The following AQP9 variants were observed in gnomAD, a reference collection of about 807,000 sequenced individuals.
AQP9 encodes aquaporin 9.
A neutral mutation model predicts 23.8 loss-of-function variants in AQP9; 19 were observed. The ratio of observed to expected loss-of-function variants is 0.80; its 90% CI spans 0.56 to 1.17. AQP9 has a LOEUF of 1.17. Among genes scored for constraint, AQP9 ranks in the 50% most tolerant of loss-of-function variants. The probability of loss-of-function intolerance (pLI) is 0.00; values close to 1 mark genes in which losing one functional copy is unlikely to be tolerated. For synonymous variants in AQP9, 153 were observed against 131.5 expected, an observed-to-expected ratio of 1.16 and a Z score of -1.12; for missense variants, 413 against 362.0, an observed-to-expected ratio of 1.14 and a Z score of -1.14.
rs183929799 is a variant in AQP9, at chr15:58,161,653, G to A, written c.112-5020G>A. Among the ~76,000 whole-genome samples the A allele has an allele frequency of 6.8e-4, 103 of 152,304 alleles. 1 individual carries two copies. The highest frequency in any genetic ancestry group is 1.5e-3 in the Admixed American group (23 of 15,300). The stretch of plus-strand genomic sequence containing the variant: ...GTTTTTATTGCCAGGCAGCAAGTTA[G>A]CAGTTAAGTCCATGGGTCTGTTTTC... On this transcript the variant is annotated intron_variant, in intron 1 of 5. Coordinates refer to ENST00000219919, the MANE Select transcript of AQP9 (RefSeq NM_020980.5).
At chr15:58,158,263 C>T (rs944398019) in intron 1 of AQP9, among the ~76,000 whole-genome samples, 1 of 152,112 alleles carries the variant, frequency 6.6e-6, no homozygotes, top group Non-Finnish European at 1.5e-5. Context: ...TTCTTGGGGG[C>T]ATTGGTTGCA....
intron 1 of AQP9, among the ~76,000 whole-genome samples, chr15:58,149,489 G>C (rs1898109246): frequency 6.6e-6 from 1 of 152,200 alleles, no homozygotes; most frequent in Non-Finnish European, 1.5e-5. Flanking sequence ...TGGTTTCCTA[G>C]TTTGTAAAAT....
At chr15:58,159,316 A>C (rs1371699104) in intron 1 of AQP9, among the ~76,000 whole-genome samples, 5 of 152,002 alleles carry the variant, frequency 3.3e-5, no homozygotes. Context: ...CCGTCTATTT[A>C]TCATTTCCAC....
At chr15:58,179,567 C>A (rs546610230) in intron 5 of AQP9, among the ~76,000 whole-genome samples, 1 of 150,654 alleles carries the variant, frequency 6.6e-6, no homozygotes, top group Non-Finnish European at 1.5e-5. Context: ...GAAAGAGAGG[C>A]GGCTCTAGGT....
In AQP9 at chr15:58,179,149, C is replaced by T. The variant is rs1898823356; in HGVS notation, c.517C>T (p.Leu173Phe). Residue 173 changes from leucine to phenylalanine, a missense_variant, in exon 5 of 6, where the codon CTC (leucine) becomes TTC (phenylalanine). By Grantham distance (22) the Leu-to-Phe change is conservative. Coordinates refer to ENST00000219919, the MANE Select transcript of AQP9 (RefSeq NM_020980.5). ...ADQVVATMILLIIVFAIFDSR... is the reference protein window; with the variant it reads ...ADQVVATMILFIIVFAIFDSR... The stretch of plus-strand genomic sequence containing the variant: ...CCAGGTGGTGGCCACCATGATACTC[C>T]TCATAATCGTCTTTGCCATCTTTGA... 6.2e-7 allele frequency: 1 copy of T among 1,613,158 alleles called. No individual in the cohort carries two copies. Among genetic ancestry groups the T allele is most frequent in the South Asian group, 1.1e-5 (1 of 91,050 alleles).
At chr15:58,178,573 G>A (rs1306504227) in intron 4 of AQP9, among the ~76,000 whole-genome samples, 1 of 152,150 alleles carries the variant, frequency 6.6e-6, no homozygotes, top group African/African-American at 2.4e-5. Flanking sequence ...TATTAGAAAA[G>A]CCTGAAATAA....
Position 58,184,422 on chromosome 15 carries a change from A to G in AQP9, c.*287A>G. On this transcript the variant is annotated 3_prime_UTR_variant, in exon 6 of 6. Transcript: ENST00000219919. Reference sequence around the variant, plus strand: ...CCTCGATGGGAATTCTTGCTAGGTAAGCACTAATAACTCGGCATCTTGACG... The same window carrying G: ...CCTCGATGGGAATTCTTGCTAGGTAGGCACTAATAACTCGGCATCTTGACG... The G allele has an allele frequency of 3.2e-6, 1 of 315,754 alleles. No individual in the cohort carries two copies. The highest frequency in any genetic ancestry group is 5.8e-6 in the Non-Finnish European group (1 of 171,204). The allele number at this position is 315,754 out of a possible 1,614,324, so 19.6% of individuals were successfully genotyped here. A position where few individuals can be genotyped will look rare whatever the true frequency, so the allele number is the denominator to read the frequency against.
chr15:58,167,728 G>T (rs951495958), intron 2 of AQP9, among the ~76,000 whole-genome samples: 1 of 151,226 alleles, frequency 6.6e-6, no homozygotes, highest in Non-Finnish European at 1.5e-5. Context: ...TTTTTTGTTT[G>T]GTTTTGTTTT....
chr15:58,170,989 A>T (rs1898607825), intron 2 of AQP9, among the ~76,000 whole-genome samples: 1 of 151,956 alleles, frequency 6.6e-6, no homozygotes, highest in East Asian at 1.9e-4. Flanking sequence ...CAGTGGCGCA[A>T]TCTCTGCTCA....
chr15:58,170,712 A>G (rs1179330246), intron 2 of AQP9, among the ~76,000 whole-genome samples: 1 of 151,898 alleles, frequency 6.6e-6, no homozygotes, highest in Non-Finnish European at 1.5e-5. Flanking sequence ...CTATTTCTTC[A>G]GCTTTTATAT....
chr15:58,172,945 C>G (rs1298155075), intron 2 of AQP9, 123 bp from the exon 3 acceptor site: 6 of 1,266,918 alleles, frequency 4.7e-6, no homozygotes, highest in Non-Finnish European at 6.7e-6. Flanking sequence ...ACACACCCCT[C>G]TTTCTCCTCA....
rs924536447 is a variant in AQP9 at position 58,173,225 on chromosome 15, C to A, written c.376+20C>A. Reference sequence around the variant, plus strand: ...ACTATGGTGAGTAAAGTCCCTGAGTCCTAAGGTTAGGAAGAGCTGGGCATA... The same window carrying A: ...ACTATGGTGAGTAAAGTCCCTGAGTACTAAGGTTAGGAAGAGCTGGGCATA... On this transcript the variant is annotated intron_variant, in intron 3 of 5. Transcript: ENST00000219919. 1.2e-6 allele frequency: 2 copies of A among 1,613,716 alleles called. No homozygotes were observed. Among genetic ancestry groups the A allele is most frequent in the East Asian group, 2.2e-5 (1 of 44,878 alleles).
At position 58,184,227 on chromosome 15, in the gene AQP9, A is replaced by G. The variant is rs1898963123; in HGVS notation, c.*92A>G. The G allele has an allele frequency of 2.2e-6, 3 of 1,386,142 alleles. No individual in the cohort carries two copies. The highest frequency in any genetic ancestry group is 3.0e-6 in the Non-Finnish European group (3 of 1,009,874). 85.9% of individuals were successfully genotyped at this position (1,386,142 alleles called of 1,614,324 possible). ...CTGTGTTCTTGTAAGCCTGAGGTGG[A>G]ATCCACCCAGTTTTGTCTGCTAGCC... On this transcript the variant is annotated 3_prime_UTR_variant, in exon 6 of 6. Coordinates refer to ENST00000219919, the MANE Select transcript of AQP9 (RefSeq NM_020980.5).
intron 1 of AQP9, chr15:58,150,798 C>A (rs1405524926): frequency 3.3e-5 from 5 of 152,174 alleles, no homozygotes; most frequent in African/African-American, 9.7e-5. Flanking sequence ...CTAGTGGTCA[C>A]CACATTTCTC....
chr15:58,173,138 A>G lies in AQP9; in HGVS notation c.309A>G (p.Pro103=). Residue 103 remains proline (P), a synonymous_variant, in exon 3 of 6, where the codon CCA becomes CCG. Coordinates refer to ENST00000219919, the MANE Select transcript of AQP9 (RefSeq NM_020980.5). ...GACGGATGAAATGGTTCAAATTGCC[A>G]TTTTATGTGGGAGCCCAGTTCTTGG... is the stretch of plus-strand genomic sequence containing the variant. ...LFGRMKWFKL[P]FYVGAQFLGA... is the part of the protein sequence containing the mutation. 1 of 1,614,126 alleles carries G rather than the reference A, an allele frequency of 6.2e-7. No individual in the cohort carries two copies. Among genetic ancestry groups the G allele is most frequent in the African/African-American group, 1.3e-5 (1 of 75,032 alleles).
At chr15:58,158,935 T>C (rs1898317435) in intron 1 of AQP9, among the ~76,000 whole-genome samples, 1 of 152,232 alleles carries the variant, frequency 6.6e-6, no homozygotes, top group Non-Finnish European at 1.5e-5. Flanking sequence ...CTGAAAGGGC[T>C]CAGTTCTTAC....
At chr15:58,179,478 A>C (rs780059222) in intron 5 of AQP9, 133 bp downstream of exon 5, 27 of 703,226 alleles carry the variant, frequency 3.8e-5, no homozygotes, top group Non-Finnish European at 6.0e-5. Flanking sequence ...GGTCATAAGC[A>C]TGAGACATTT....
chr15:58,149,968 A>C (rs1415658672), intron 1 of AQP9, among the ~76,000 whole-genome samples: 1 of 152,250 alleles, frequency 6.6e-6, no homozygotes, highest in African/African-American at 2.4e-5. Flanking sequence ...CTAGGACTGC[A>C]TCCCAGCCCA....
At chr15:58,140,721 G>T (rs375748792) in intron 1 of AQP9, among the ~76,000 whole-genome samples, 1 of 152,346 alleles carries the variant, frequency 6.6e-6, no homozygotes, top group Admixed American at 6.5e-5. Context: ...ACATCGAAAA[G>T]ATGGCAGAGG....
Sources: gnomAD v4.1 joint callset for allele counts (sites outside exome capture counted in the v4.1 genomes callset) on GRCh38, gnomAD v4.1.1 for gene constraint, MANE v1.5 for transcripts, NCBI Gene and HGNC (gene_info 2026-07-23, HGNC 2026-07-21) for gene names.